Variants in NTAQ1 observed in about 807,000 individuals in gnomAD.
NTAQ1 encodes the protein protein N-terminal glutamine amidohydrolase.
NTAQ1 carries 21 observed loss-of-function variants against 28.2 expected under a neutral mutation model. That is an observed-to-expected ratio of 0.74 (90% confidence interval 0.53 to 1.07). NTAQ1 has a LOEUF of 1.07. Among genes scored for constraint, NTAQ1 ranks in the 50% least tolerant of loss-of-function variants. The pLI, the probability that NTAQ1 is intolerant of heterozygous loss-of-function variation, is 0.00. For missense variants in NTAQ1, 264 were observed against 256.6 expected (o/e 1.03, Z -0.20); for synonymous variants, 105 against 90.0 (o/e 1.17, Z -0.94).
chr8:123,471,465 C>T (rs1041581355), downstream of NTAQ1, among the ~76,000 whole-genome samples: 2 of 152,088 alleles, frequency 1.3e-5, no homozygotes, highest in Admixed American at 6.6e-5. Flanking sequence ...AAGGAGTTGG[C>T]TCACATGATT....
At chr8:123,420,277 T>G (rs1813598601) in intron 1 of NTAQ1, among the ~76,000 whole-genome samples, 1 of 152,238 alleles carries the variant, frequency 6.6e-6, no homozygotes, top group South Asian at 2.1e-4. Context: ...TAGTATTCCA[T>G]GGTGGATGAT....
intron 6 of NTAQ1, among the ~76,000 whole-genome samples, chr8:123,463,653 G>A (rs1815892340): frequency 6.6e-6 from 1 of 152,172 alleles, no homozygotes; most frequent in Non-Finnish European, 1.5e-5. Context: ...TAGGTTCCTC[G>A]TAAAAGGCTC....
At chr8:123,468,172 A>G (rs957666724) in exon 7 of NTAQ1, among the ~76,000 whole-genome samples, 1 of 152,220 alleles carries the variant, frequency 6.6e-6, no homozygotes, top group African/African-American at 2.4e-5. Context: ...GTAGGGAATA[A>G]GCTTCCTCCT....
At chr8:123,427,279 T>C (rs1480816785) in intron 1 of NTAQ1, among the ~76,000 whole-genome samples, 2 of 121,644 alleles carry the variant, frequency 1.6e-5, no homozygotes, top group Non-Finnish European at 3.3e-5. Context: ...TGAGTTGGAG[T>C]CTTGCTCTGT....
intron 1 of NTAQ1, among the ~76,000 whole-genome samples, chr8:123,424,265 C>T (rs1336866769): frequency 3.4e-5 from 5 of 149,146 alleles, no homozygotes; most frequent in Non-Finnish European, 3.0e-5. Flanking sequence ...TTTTTTAAGA[C>T]GAAGTCTTGC....
chr8:123,431,496 A>G (rs552901404), intron 3 of NTAQ1, among the ~76,000 whole-genome samples: 7 of 152,288 alleles, frequency 4.6e-5, no homozygotes, highest in East Asian at 1.9e-4. Context: ...TTTAACATGT[A>G]TATATTGAGT....
At chr8:123,458,626 CTT>C (rs1351087669) in intron 6 of NTAQ1, among the ~76,000 whole-genome samples, 13 of 143,008 alleles carry the variant, frequency 9.1e-5, no homozygotes, top group Admixed American at 1.4e-4. Context: ...TACTTTCTTT[CTT>C]TTTTTTTTTT....
At position 123,441,322 on chromosome 8, in the gene NTAQ1, G is replaced by C. The variant is rs774598457; in HGVS notation, c.525G>C (p.Leu175=). The change falls in exon 6 of 6, where the codon CTG becomes CTC. Residue 175 remains leucine, a synonymous_variant. Coordinates refer to ENST00000287387, the MANE Select transcript of NTAQ1 (RefSeq NM_018024.3). ...CIETGDSKMN[L]NDFISMDPKV... Reference sequence around the variant, plus strand: ...TTTTTTTAGATTCCAAAATGAACCTGAACGATTTCATCAGTATGGATCCCA... The same window carrying C: ...TTTTTTTAGATTCCAAAATGAACCTCAACGATTTCATCAGTATGGATCCCA... 1 of 1,607,850 alleles carries C rather than the reference G, an allele frequency of 6.2e-7. No individual in the cohort carries two copies. Among genetic ancestry groups the C allele is most frequent in the Non-Finnish European group, 8.5e-7 (1 of 1,177,052 alleles).
At chr8:123,419,408 G>GT (rs1813528289) in intron 1 of NTAQ1, among the ~76,000 whole-genome samples, 1 of 151,992 alleles carries the variant, frequency 6.6e-6, no homozygotes, top group South Asian at 2.1e-4. Flanking sequence ...CATCCTGCAG[G>GT]TTTTTTAAGT....
chr8:123,455,421 A>ATTTTTTTTT (rs925294146), intron 6 of NTAQ1, among the ~76,000 whole-genome samples: 1 of 115,482 alleles, frequency 8.7e-6, no homozygotes, highest in Non-Finnish European at 1.7e-5. Context: ...ATGCCCAGAA[A>ATTTTTTTTT]TTTTTTTTTT....
intron 4 of NTAQ1, among the ~76,000 whole-genome samples, chr8:123,436,926 C>A (rs1369174916): frequency 6.6e-6 from 1 of 152,090 alleles, no homozygotes; most frequent in African/African-American, 2.4e-5. Flanking sequence ...ATTGAGAGGG[C>A]TGTGAGGGCA....
rs145581840 is a variant in NTAQ1 at position 123,436,513 on chromosome 8, G to C, written c.295G>C (p.Asp99His). Residue 99 changes from aspartate (D) to histidine (H), a missense_variant, in exon 4 of 6, where the codon GAT becomes CAT. Physicochemically the swap from Asp to His is moderately conservative, Grantham distance 81 (BLOSUM62 -1). Coordinates refer to ENST00000287387, the MANE Select transcript of NTAQ1 (RefSeq NM_018024.3). ...AGGACAGAACTTCATTTATGATCTC[G>C]ATACTGTCTTGCCATTTCCCTGCCT... ...SGGQNFIYDLDTVLPFPCLFD... is the reference protein window; with the variant it reads ...SGGQNFIYDLHTVLPFPCLFD... The C allele has an allele frequency of 6.2e-7, 1 of 1,613,912 alleles. No homozygotes were observed. The highest frequency in any genetic ancestry group is 8.5e-7 in the Non-Finnish European group (1 of 1,179,914).
intron 3 of NTAQ1, among the ~76,000 whole-genome samples, chr8:123,436,041 C>T (rs763103556): frequency 4.1e-5 from 6 of 145,832 alleles, no homozygotes; most frequent in Admixed American, 6.9e-5. Flanking sequence ...TCGTGGTGCG[C>T]GCTTGTAATC....
chr8:123,458,680 G>A lies in NTAQ1; in HGVS notation c.373-8399G>A, dbSNP rs1442254594. Among the ~76,000 whole-genome samples the A allele has an allele frequency of 2.8e-4, 42 of 150,910 alleles. 1 individual carries two copies. The highest frequency in any genetic ancestry group is 2.1e-4 in the South Asian group (1 of 4,736). Reference sequence around the variant, plus strand: ...TCTGTTGCCCAGGCTGGAGTGCAACGGCGCGATCTCGGCTCACTGCAAGCT... The same window carrying A: ...TCTGTTGCCCAGGCTGGAGTGCAACAGCGCGATCTCGGCTCACTGCAAGCT... On this transcript the variant is annotated intron_variant, in intron 6 of 6. Transcript: ENST00000650311.
At chr8:123,445,746 C>T (rs1353524970), downstream of NTAQ1, among the ~76,000 whole-genome samples, 1 of 152,112 alleles carries the variant, frequency 6.6e-6, no homozygotes, top group Non-Finnish European at 1.5e-5. Flanking sequence ...GCTGGGATTA[C>T]AGGCGTGCAC....
intron 2 of NTAQ1, 122 bp downstream of exon 2, chr8:123,428,145 A>T: frequency 3.2e-6 from 2 of 628,468 alleles, no homozygotes; most frequent in Non-Finnish European, 5.2e-6. Context: ...GTGCTTTATT[A>T]AATACAGCAA....
downstream of NTAQ1, among the ~76,000 whole-genome samples, chr8:123,442,616 A>G (rs1815120007): frequency 6.6e-6 from 1 of 151,440 alleles, no homozygotes; most frequent in South Asian, 2.1e-4. Context: ...AAAAAAGAAA[A>G]GAAACTGACA....
chr8:123,437,390 A>G, intron 5 of NTAQ1, 56 bp downstream of exon 5: 1 of 1,595,662 alleles, frequency 6.3e-7, no homozygotes, highest in South Asian at 1.1e-5. Context: ...ACACATCAGC[A>G]TTTTTCCTTA....
chr8:123,467,915 A>G (rs1246330258), exon 7 of NTAQ1, among the ~76,000 whole-genome samples: 2 of 152,086 alleles, frequency 1.3e-5, no homozygotes, highest in African/African-American at 2.4e-5. Context: ...ACTCCCCGCT[A>G]ATTTTGTATT....
Sources: allele counts gnomAD v4.1 joint callset (sites outside exome capture counted in the v4.1 genomes callset), GRCh38; gene constraint gnomAD v4.1.1; transcripts MANE v1.5; gene names NCBI Gene and HGNC (gene_info 2026-07-23, HGNC 2026-07-21).